The following ZNF407 variants were observed in gnomAD, a reference collection of about 807,000 sequenced individuals.
ZNF407 encodes zinc finger protein 407.
ZNF407 carries 17 observed loss-of-function variants against 131.2 expected under a neutral mutation model. The ratio of observed to expected loss-of-function variants is 0.13; its 90% CI spans 0.09 to 0.19. The LOEUF is 0.19. Ranked by LOEUF, ZNF407 falls within the 10% of genes least tolerant of loss-of-function variation. The pLI is 1.00. For synonymous variants in ZNF407, 1,156 were observed against 1,062.0 expected (o/e 1.09, Z -1.72); for missense variants, 2,681 against 2,830.6 (o/e 0.95, Z 1.20).
At position 74,633,459 on chromosome 18, in the gene ZNF407, G is replaced by A; in HGVS notation, c.2440G>A (p.Gly814Ser). 6.2e-7 allele frequency: 1 copy of A among 1,613,964 alleles called. No homozygotes were observed. The highest frequency in any genetic ancestry group is 8.5e-7 in the Non-Finnish European group (1 of 1,179,870). Residue 814 changes from glycine (G) to serine (S), a missense_variant, in exon 2 of 9, where the codon GGC becomes AGC. Transcript: ENST00000299687. ...ACAAGAGCATTCCTATCTTGAGAAG[G>A]GCATGCTGGCGTCTGAGGAACTGTC... ...QLQEHSYLEK[G>S]MLASEELSQS...
chr18:75,021,157 A>G (rs1446079954), intron 8 of ZNF407, among the ~76,000 whole-genome samples: 3 of 152,154 alleles, frequency 2.0e-5, no homozygotes, highest in Non-Finnish European at 2.9e-5. Context: ...AAAAAGGTAC[A>G]AAAAAGCAAC....
chr18:74,631,167 A>G lies in ZNF407; in HGVS notation c.148A>G (p.Lys50Glu), dbSNP rs768590198. 9 of 1,614,000 alleles carry G rather than the reference A, an allele frequency of 5.6e-6. No homozygotes were observed. In the South Asian group the frequency reaches 6.6e-5, roughly 12 times the overall value. The change falls in exon 2 of 9, where the codon AAA becomes GAA. Residue 50 changes from lysine to glutamate, a missense_variant. Physicochemically the swap from Lys to Glu is moderately conservative, Grantham distance 56 (BLOSUM62 1). Transcript: ENST00000299687. ...IASFPENSMG[K>E]RGFSESSNSD... ...AAGTTTCCCTGAGAATTCTATGGGC[A>G]AAAGAGGTTTTTCAGAATCATCGAA...
chr18:74,956,455 C>G (rs923129329), intron 8 of ZNF407, among the ~76,000 whole-genome samples: 1 of 152,146 alleles, frequency 6.6e-6, no homozygotes, highest in Non-Finnish European at 1.5e-5. Context: ...AAACTGTACT[C>G]ATTTTGTTTT....
chr18:74,741,589 T>C (rs1027638122), intron 3 of ZNF407, among the ~76,000 whole-genome samples: 3 of 152,138 alleles, frequency 2.0e-5, no homozygotes, highest in Non-Finnish European at 2.9e-5. Context: ...AAAAGAATAA[T>C]TGTAAAAACA....
chr18:74,902,251 A>G (rs1035816260), intron 7 of ZNF407, among the ~76,000 whole-genome samples: 1 of 152,208 alleles, frequency 6.6e-6, no homozygotes, highest in Admixed American at 6.5e-5. Flanking sequence ...CGGGGCTCAC[A>G]TTAATCAGTC....
rs368055084 is a variant in ZNF407, at chr18:75,027,245, A to G, written c.5429-35905A>G. On this transcript the variant is annotated intron_variant, in intron 8 of 8. Transcript: ENST00000299687. ...ATTCAAGGCAACAAGTGAGCCAACC[A>G]GTGTGGCCAAAAGGAGGCAAGGAAG... Among the ~76,000 whole-genome samples the G allele has an allele frequency of 2.4e-3, 365 of 152,332 alleles. 6 individuals are homozygous for G. The highest frequency in any genetic ancestry group is 8.3e-3 in the African/African-American group (344 of 41,580).
At chr18:74,930,347 A>T (rs971858975) in intron 8 of ZNF407, among the ~76,000 whole-genome samples, 1 of 152,162 alleles carries the variant, frequency 6.6e-6, no homozygotes, top group African/African-American at 2.4e-5. Context: ...TGGCCCATGG[A>T]GTGAGGTGGG....
intron 4 of ZNF407, among the ~76,000 whole-genome samples, chr18:74,868,090 TA>T (rs1971037998): frequency 6.6e-6 from 1 of 152,250 alleles, no homozygotes; most frequent in Admixed American, 6.5e-5. Flanking sequence ...CATCTTAAAA[TA>T]ATGTCATCTT....
intron 8 of ZNF407, among the ~76,000 whole-genome samples, chr18:74,954,532 T>A (rs545688903): frequency 2.0e-5 from 3 of 152,242 alleles, no homozygotes; most frequent in Non-Finnish European, 4.4e-5. Context: ...ACTGGCATTA[T>A]AATCATGCAA....
chr18:74,945,097 C>T (rs1360944754), intron 8 of ZNF407, among the ~76,000 whole-genome samples: 1 of 152,148 alleles, frequency 6.6e-6, no homozygotes, highest in Non-Finnish European at 1.5e-5. Flanking sequence ...TGAGATAAGA[C>T]AGTTTATGAA....
chr18:74,961,011 G>A (rs921865516), intron 8 of ZNF407, among the ~76,000 whole-genome samples: 1 of 149,258 alleles, frequency 6.7e-6, no homozygotes, highest in Non-Finnish European at 1.5e-5. Flanking sequence ...AAGGTCCTGA[G>A]TGAGGACTGG....
At chr18:75,047,837 G>A (rs547367052) in intron 8 of ZNF407, among the ~76,000 whole-genome samples, 7 of 152,324 alleles carry the variant, frequency 4.6e-5, no homozygotes, top group South Asian at 4.1e-4. Flanking sequence ...GAATTAATTC[G>A]GTACTGTCAT....
At chr18:74,865,724 T>G (rs1568246915) in intron 4 of ZNF407, among the ~76,000 whole-genome samples, 2 of 152,228 alleles carry the variant, frequency 1.3e-5, no homozygotes, top group Admixed American at 6.5e-5. Flanking sequence ...AGAAGTAGAT[T>G]AAATCTGCAA....
At chr18:75,050,956 C>G (rs922962479) in intron 8 of ZNF407, among the ~76,000 whole-genome samples, 1 of 152,126 alleles carries the variant, frequency 6.6e-6, no homozygotes, top group African/African-American at 2.4e-5. Flanking sequence ...AGTAGTCAAT[C>G]CTTCCTTTTT....
chr18:74,686,193 T>G (rs1967093299), intron 3 of ZNF407, among the ~76,000 whole-genome samples: 1 of 152,220 alleles, frequency 6.6e-6, no homozygotes, highest in Non-Finnish European at 1.5e-5. Context: ...CCTTTCCCTT[T>G]AACATCCCTA....
intron 8 of ZNF407, among the ~76,000 whole-genome samples, chr18:75,016,252 A>G (rs925710271): frequency 6.6e-6 from 1 of 152,044 alleles, no homozygotes; most frequent in Non-Finnish European, 1.5e-5. Context: ...TTCCTGGTTC[A>G]CTGCTTCATA....
intron 4 of ZNF407, among the ~76,000 whole-genome samples, chr18:74,870,656 G>A (rs1167061468): frequency 6.6e-6 from 1 of 152,020 alleles, no homozygotes; most frequent in Admixed American, 6.6e-5. Context: ...ATTGAGCAAG[G>A]TTTTTATTTA....
chr18:74,906,657 A>G (rs1296181969), intron 7 of ZNF407, among the ~76,000 whole-genome samples: 2 of 152,174 alleles, frequency 1.3e-5, no homozygotes, highest in African/African-American at 4.8e-5. Context: ...CATTTAATAC[A>G]TTTACATCTC....
chr18:74,899,571 G>A (rs1971496298), intron 7 of ZNF407, among the ~76,000 whole-genome samples: 1 of 152,170 alleles, frequency 6.6e-6, no homozygotes, highest in Admixed American at 6.5e-5. Context: ...GTCAATAGGT[G>A]TATAGTTCCA....
Sources: allele counts gnomAD v4.1 joint callset (sites outside exome capture counted in the v4.1 genomes callset), GRCh38; gene constraint gnomAD v4.1.1; transcripts MANE v1.5; gene names NCBI Gene and HGNC (gene_info 2026-07-23, HGNC 2026-07-21).